Variants in LAMP5 observed in about 807,000 individuals in gnomAD.
LAMP5 encodes lysosome-associated membrane glycoprotein 5.
Under a neutral mutation model 30.2 loss-of-function variants are expected in LAMP5, and 36 were observed. The observed-to-expected ratio is 1.19, with a 90% CI of 0.91 to 1.57. The LOEUF (loss-of-function observed/expected upper bound fraction) is 1.57. Ranked by LOEUF, LAMP5 falls within the 40% of genes most tolerant of loss-of-function variation. LAMP5 has a pLI of 0.00. For missense variants in LAMP5, 377 were observed against 354.9 expected, an observed-to-expected ratio of 1.06 and a Z score of -0.50; for synonymous variants, 149 against 134.6, an observed-to-expected ratio of 1.11 and a Z score of -0.74.
At position 9,516,267 on chromosome 20, in the gene LAMP5, C is replaced by T. The variant is rs376266110; in HGVS notation, c.381C>T (p.Asn127=). 3 of 1,614,086 alleles carry T rather than the reference C, an allele frequency of 1.9e-6. No homozygotes were observed. Among genetic ancestry groups the T allele is most frequent in the Non-Finnish European group, 1.7e-6 (2 of 1,180,038 alleles). The change falls in exon 4 of 6, where the codon AAC becomes AAT. Residue 127 remains asparagine, a synonymous_variant. Transcript: ENST00000246070. ...LKMLFVKESH[N]MSKGPEATWR... is the part of the protein sequence containing the mutation. Reference sequence around the variant, plus strand: ...CCCCGGCTCAACAGGAAAGCCACAACATGTCCAAGGGACCTGAGGCGACTT... The same window carrying T: ...CCCCGGCTCAACAGGAAAGCCACAATATGTCCAAGGGACCTGAGGCGACTT...
intron 5 of LAMP5, among the ~76,000 whole-genome samples, chr20:9,528,679 T>A (rs1018264969): frequency 6.6e-5 from 10 of 152,218 alleles, no homozygotes; most frequent in African/African-American, 1.9e-4. Flanking sequence ...GCTTTCGTAC[T>A]TATATTTGCA....
Position 9,515,637 on chromosome 20 carries a change from T to TC in LAMP5, c.237+12_237+13insC, listed in dbSNP as rs754907838. On this transcript the variant is annotated intron_variant, in intron 2 of 5. Coordinates refer to ENST00000246070, the MANE Select transcript of LAMP5 (RefSeq NM_012261.4). Reference sequence around the variant, plus strand: ...GCAACTACGTAGATGTAAGGAATCTTTCCCCCCCCTCAGCTTGCTCCTAGG... The same window carrying TC: ...GCAACTACGTAGATGTAAGGAATCTTCTCCCCCCCCTCAGCTTGCTCCTAGG... 165 of 1,601,186 alleles carry TC rather than the reference T, an allele frequency of 1.0e-4. No individual in the cohort carries two copies. The Admixed American group carries it at 2.5e-3, about 25-fold the overall frequency.
At chr20:9,517,044 C>T (rs1051851343) in intron 4 of LAMP5, among the ~76,000 whole-genome samples, 1 of 152,186 alleles carries the variant, frequency 6.6e-6, no homozygotes, top group Middle Eastern at 3.2e-3. Context: ...GTCTATTTCA[C>T]TCATAATGAG....
intron 5 of LAMP5, among the ~76,000 whole-genome samples, chr20:9,527,476 T>C (rs2122849599): frequency 6.6e-6 from 1 of 152,320 alleles, no homozygotes; most frequent in East Asian, 1.9e-4. Flanking sequence ...AGAGGAAAGC[T>C]CATCCCTTTT....
chr20:9,517,950 G>T, intron 4 of LAMP5, 90 bp from the exon 5 acceptor site: 1 of 1,156,674 alleles, frequency 8.6e-7, no homozygotes, highest in Non-Finnish European at 1.3e-6. Flanking sequence ...GGGGTGTGGT[G>T]TCTGGAACTG....
chr20:9,516,485 C>T (rs942325377), intron 4 of LAMP5, 124 bp downstream of exon 4: 4 of 809,124 alleles, frequency 4.9e-6, no homozygotes, highest in African/African-American at 3.4e-5. Context: ...AGTCTTCCCT[C>T]GGCTTGCTCT....
intron 4 of LAMP5, among the ~76,000 whole-genome samples, chr20:9,517,288 G>T (rs998545422): frequency 6.6e-6 from 1 of 152,190 alleles, no homozygotes; most frequent in Non-Finnish European, 1.5e-5. Context: ...CCTTCAGAGG[G>T]GATGTATGTG....
intron 5 of LAMP5, among the ~76,000 whole-genome samples, chr20:9,524,300 C>CA (rs1235698227): frequency 1.3e-5 from 2 of 151,882 alleles, no homozygotes; most frequent in Non-Finnish European, 2.9e-5. Flanking sequence ...TATACTTGCA[C>CA]AAAAAAGATT....
rs1346544375 is a variant in LAMP5, at chr20:9,526,874, A to G, written c.665-2768A>G. On this transcript the variant is annotated intron_variant, in intron 5 of 5. Transcript: ENST00000246070. ...TGTGTGTGTGTGTATATATATATAT[A>G]TATATATATATATATATATATATAT... Among the ~76,000 whole-genome samples the G allele has an allele frequency of 1.5e-3, 161 of 106,114 alleles. 2 individuals carry two copies. The highest frequency in any genetic ancestry group is 8.9e-3 in the Middle Eastern group (2 of 224). 69.6% of individuals were successfully genotyped at this position (106,114 alleles called of 152,430 possible).
rs1207250107 is a variant in LAMP5, at chr20:9,529,923, ACAAT to A, written c.*107_*110del. 6.0e-6 allele frequency: 7 copies of A among 1,175,954 alleles called. No homozygotes were observed. In the East Asian group the frequency reaches 9.5e-5, roughly 16 times the overall value. 72.8% of individuals were successfully genotyped at this position (1,175,954 alleles called of 1,614,324 possible). A position where few individuals can be genotyped will look rare whatever the true frequency, so the allele number is the denominator to read the frequency against. ...GTACACGAGATACACCAACATAGCT[ACAAT>A]CAAACAGGCCTGGGTATCTGAGGCT... On this transcript the variant is annotated 3_prime_UTR_variant, in exon 6 of 6. Transcript: ENST00000246070.
intron 5 of LAMP5, among the ~76,000 whole-genome samples, chr20:9,524,605 A>C (rs1024860982): frequency 1.5e-4 from 22 of 149,770 alleles, no homozygotes; most frequent in African/African-American, 5.2e-4. Context: ...TAAAAAAAAA[A>C]AAAAAAAAAA....
chr20:9,524,663 A>G (rs1297715370), intron 5 of LAMP5, among the ~76,000 whole-genome samples: 3 of 151,612 alleles, frequency 2.0e-5, no homozygotes, highest in Non-Finnish European at 4.4e-5. Flanking sequence ...AATTCAGAAT[A>G]TTTTAGACTT....
At chr20:9,524,595 T>TAAAAAAAAAAAAAAAAAAAA (rs748114210) in intron 5 of LAMP5, among the ~76,000 whole-genome samples, 1 of 82,222 alleles carries the variant, frequency 1.2e-5, no homozygotes, top group Non-Finnish European at 2.5e-5. Flanking sequence ...CAGATCGAAC[T>TAAAAAAAAAAAAAAAAAAAA]AAAAAAAAAA....
chr20:9,524,606 A>C (rs967575956), intron 5 of LAMP5, among the ~76,000 whole-genome samples: 4 of 149,946 alleles, frequency 2.7e-5, no homozygotes, highest in Non-Finnish European at 4.4e-5. Context: ...AAAAAAAAAA[A>C]AAAAAAAAAA....
intron 4 of LAMP5, among the ~76,000 whole-genome samples, chr20:9,516,726 GTT>G (rs1792517578): frequency 6.6e-6 from 1 of 152,170 alleles, no homozygotes; most frequent in African/African-American, 2.4e-5. Flanking sequence ...CCGCATCCTG[GTT>G]TTGTTTCTTA....
At chr20:9,517,088 G>A (rs1281740768) in intron 4 of LAMP5, among the ~76,000 whole-genome samples, 1 of 152,116 alleles carries the variant, frequency 6.6e-6, no homozygotes, top group Non-Finnish European at 1.5e-5. Flanking sequence ...AGTTGGGAAA[G>A]GATTTTTATT....
chr20:9,517,986 C>CA, intron 4 of LAMP5, 54 bp from the exon 5 acceptor site: 1 of 1,021,592 alleles, frequency 9.8e-7, no homozygotes, highest in Non-Finnish European at 1.4e-6. Flanking sequence ...CTCTCTGGCA[C>CA]ATTAGGTTAG....
chr20:9,515,836 C>A (rs569206123), intron 2 of LAMP5, among the ~76,000 whole-genome samples, 164 bp from the exon 3 acceptor site: 1 of 152,240 alleles, frequency 6.6e-6, no homozygotes, highest in African/African-American at 2.4e-5. Context: ...GCTTCCCTAT[C>A]GGGGCTGCAC....
chr20:9,528,394 T>C (rs1223318555), intron 5 of LAMP5, among the ~76,000 whole-genome samples: 7 of 151,934 alleles, frequency 4.6e-5, no homozygotes. Context: ...TATAGTTAGA[T>C]AAGAATAAGT....
Sources: gnomAD v4.1 joint callset for allele counts (sites outside exome capture counted in the v4.1 genomes callset) on GRCh38, gnomAD v4.1.1 for gene constraint, MANE v1.5 for transcripts, NCBI Gene and HGNC (gene_info 2026-07-23, HGNC 2026-07-21) for gene names.